EXOSC10: variants seen among roughly 807,000 people sequenced by gnomAD.
EXOSC10 encodes exosome component 10.
In EXOSC10, 94 loss-of-function variants were observed where a neutral mutation model predicts 126.6. That is an observed-to-expected ratio of 0.74 (90% CI 0.63 to 0.88). EXOSC10 has a LOEUF of 0.88. EXOSC10 is among the 40% of genes least tolerant of loss of function. The probability of loss-of-function intolerance (pLI) is 0.00; values close to 1 mark genes in which losing one functional copy is unlikely to be tolerated. For synonymous variants in EXOSC10, 395 were observed against 400.8 expected (o/e 0.99, Z 0.17); for missense variants, 1,041 against 1,100.5 (o/e 0.95, Z 0.77).
intron 2 of EXOSC10, among the ~76,000 whole-genome samples, chr1:11,097,166 C>A (rs1040713144): frequency 1.3e-5 from 2 of 151,586 alleles, no homozygotes; most frequent in Non-Finnish European, 2.9e-5. Flanking sequence ...GCCGAGATCA[C>A]GCCACTGCAC....
chr1:11,072,219 C>G (rs766543276), intron 19 of EXOSC10, 48 bp from the exon 20 acceptor site: 4 of 1,430,242 alleles, frequency 2.8e-6, no homozygotes, highest in Non-Finnish European at 2.9e-6. Flanking sequence ...AAGTCAGCCA[C>G]CTAAGTCTGT....
chr1:11,082,646 T>A (rs1220853396), intron 10 of EXOSC10, 42 bp downstream of exon 10: 8 of 1,609,462 alleles, frequency 5.0e-6, no homozygotes, highest in Non-Finnish European at 6.8e-6. Flanking sequence ...GAATAATCAC[T>A]TTCTTCTGCC....
At chr1:11,090,965 G>T in intron 5 of EXOSC10, 49 bp downstream of exon 5, 1 of 1,578,764 alleles carries the variant, frequency 6.3e-7, no homozygotes, top group Non-Finnish European at 8.6e-7. Flanking sequence ...CCTGGTTTTT[G>T]CATCAAATAA....
At chr1:11,090,504 CA>C (rs1052048640) in intron 6 of EXOSC10, 49 bp downstream of exon 6, 1 of 1,467,514 alleles carries the variant, frequency 6.8e-7, no homozygotes, top group East Asian at 2.3e-5. Flanking sequence ...GAAAATGTGG[CA>C]AAAAGGTAAG....
chr1:11,098,116 C>CA lies in EXOSC10; in HGVS notation c.151_152insT (p.Gly51ValfsTer9). The CA allele has an allele frequency of 6.2e-7, 1 of 1,612,184 alleles. No individual in the cohort carries two copies. Among genetic ancestry groups the CA allele is most frequent in the Non-Finnish European group, 8.5e-7 (1 of 1,179,542 alleles). ...CTCATCGCCAAACTGTGGTAGGCCC[C>CA]CAGATGCCTTGGTGACTGCCACCAC... On this transcript the variant is annotated frameshift_variant, in exon 2 of 25. Coordinates refer to ENST00000376936, the MANE Select transcript of EXOSC10 (RefSeq NM_001001998.3). LOFTEE classifies it high-confidence loss of function.
rs1557723704 is a variant in EXOSC10 at position 11,098,050 on chromosome 1, C to T, written c.218G>A (p.Cys73Tyr). Residue 73 changes from cysteine to tyrosine, a missense_variant, in exon 2 of 25, where the codon TGC (cysteine) becomes TAC (tyrosine). By Grantham distance (194) the Cys-to-Tyr change is radical (BLOSUM62 -2). Coordinates refer to ENST00000376936, the MANE Select transcript of EXOSC10 (RefSeq NM_001001998.3). ...YRSFPGFQAF[C>Y]ETQGDRLLQC... ...AAGCAACCTGTCTCCCTGTGTTTCG[C>T]AAAATGCTTGGAAGCCAGGAAAACT... The T allele has an allele frequency of 1.2e-6, 2 of 1,611,990 alleles. No homozygotes were observed. Among genetic ancestry groups the T allele is most frequent in the Admixed American group, 3.4e-5 (2 of 59,504 alleles).
chr1:11,097,995 C>A, intron 2 of EXOSC10, 25 bp downstream of exon 2: 1 of 1,496,788 alleles, frequency 6.7e-7, no homozygotes, highest in Non-Finnish European at 8.9e-7. Flanking sequence ...TTCACTAACA[C>A]AAGAAAACAA....
intron 18 of EXOSC10, 37 bp from the exon 19 acceptor site, chr1:11,074,045 G>A (rs763038787): frequency 1.3e-6 from 2 of 1,592,868 alleles, no homozygotes; most frequent in South Asian, 1.1e-5. Flanking sequence ...ACGCTGCCGG[G>A]AACGGAATCT....
At chr1:11,073,877 CAA>C (rs770965502) in intron 19 of EXOSC10, 55 bp downstream of exon 19, 8,263 of 524,216 alleles carry the variant, frequency 0.016, no homozygotes, top group African/African-American at 0.02. Flanking sequence ...GACTCCATCT[CAA>C]AAAAAAAAAA....
intron 17 of EXOSC10, among the ~76,000 whole-genome samples, chr1:11,075,918 C>T (rs1639791583): frequency 6.9e-6 from 1 of 145,026 alleles, no homozygotes. Context: ...GTAATCCCAG[C>T]ACTTTGGGAG....
intron 14 of EXOSC10, among the ~76,000 whole-genome samples, chr1:11,077,949 C>T (rs892239866): frequency 2.0e-5 from 3 of 152,080 alleles, no homozygotes; most frequent in Non-Finnish European, 2.9e-5. Context: ...GGACAAAGTA[C>T]AGAGCTTACA....
intron 6 of EXOSC10, 61 bp from the exon 7 acceptor site, chr1:11,088,259 T>C: frequency 8.1e-7 from 1 of 1,237,234 alleles, no homozygotes; most frequent in Non-Finnish European, 1.2e-6. Context: ...AAGGGAAAAA[T>C]AATGCCTTTT....
Position 11,091,015 on chromosome 1 carries a change from T to A in EXOSC10, c.642A>T (p.Gln214His). 1 of 1,613,752 alleles carries A rather than the reference T, an allele frequency of 6.2e-7. No individual in the cohort carries two copies. Among genetic ancestry groups the A allele is most frequent in the Non-Finnish European group, 8.5e-7 (1 of 1,179,898 alleles). ...ACAGGCAAAGTATGCACTATTTACC[T>A]TGAGGGAGAGGTTTCTGAGCATTGG... The part of the protein sequence containing the change: ...IKPNAQKPLP[Q>H]ALSKERRERP... Residue 214 changes from glutamine to histidine, a missense_variant and splice_region_variant, in exon 5 of 25, where the codon CAA becomes CAT. Transcript: ENST00000376936.
In EXOSC10 at chr1:11,080,887, T is replaced by C; in HGVS notation, c.1463A>G (p.Asp488Gly). The change falls in exon 12 of 25, where the codon GAT becomes GGT. Residue 488 changes from aspartate to glycine, a missense_variant. By Grantham distance (94) the Asp-to-Gly change is moderately conservative. Around this residue, in one of 3 missense-constraint regions of EXOSC10, gnomAD observed 645 missense variants for 656.3 expected, o/e 0.98. Coordinates refer to ENST00000376936, the MANE Select transcript of EXOSC10 (RefSeq NM_001001998.3). ...LKKFIKPIFT[D>G]ESYLELYRKQ... ...CCTATAGAGTTCAAGGTAGGACTCA[T>C]CCGTGAAGATAGGTTTGATGAATTT... 1.2e-6 allele frequency: 2 copies of C among 1,609,024 alleles called. No individual in the cohort carries two copies.
At position 11,074,028 on chromosome 1, in the gene EXOSC10, G is replaced by C; in HGVS notation, c.2083-20C>G. ...CAGAAACTGGAGGAAGGAAATGGCTGTGTGAAACGCTGCCGGGAACGGAAT... is the reference window on the plus strand; with the variant it reads ...CAGAAACTGGAGGAAGGAAATGGCTCTGTGAAACGCTGCCGGGAACGGAAT... On this transcript the variant is annotated intron_variant, in intron 18 of 24. Coordinates refer to ENST00000376936, the MANE Select transcript of EXOSC10 (RefSeq NM_001001998.3). 1 of 1,610,604 alleles carries C rather than the reference G, an allele frequency of 6.2e-7. No homozygotes were observed. Among genetic ancestry groups the C allele is most frequent in the African/African-American group, 1.3e-5 (1 of 74,956 alleles).
Position 11,088,782 on chromosome 1 carries a change from A to G in EXOSC10, c.759-584T>C, listed in dbSNP as rs1640638502. Among the ~76,000 whole-genome samples, 3 of 152,240 alleles carry G rather than the reference A, an allele frequency of 2.0e-5. 1 individual carries two copies. In the South Asian group the frequency reaches 6.2e-4, roughly 32 times the overall value. Reference sequence around the variant, plus strand: ...GAATGCCCAGACAGACTCTGGCTCTATGTGAGGAAAAGGCCAATACTAACC... The same window carrying G: ...GAATGCCCAGACAGACTCTGGCTCTGTGTGAGGAAAAGGCCAATACTAACC... On this transcript the variant is annotated intron_variant, in intron 6 of 24. Coordinates refer to ENST00000376936, the MANE Select transcript of EXOSC10 (RefSeq NM_001001998.3).
intron 3 of EXOSC10, among the ~76,000 whole-genome samples, chr1:11,093,840 G>C (rs184163688): frequency 2.6e-4 from 39 of 152,210 alleles, no homozygotes; most frequent in Admixed American, 7.2e-4. Context: ...CTGAGGTGGG[G>C]GGGGATTGTT....
At position 11,068,066 on chromosome 1, in the gene EXOSC10, T is replaced by C. The variant is rs141459158; in HGVS notation, c.2569A>G (p.Lys857Glu). The change falls in exon 24 of 25, where the codon AAA becomes GAA. Residue 857 changes from lysine (K) to glutamate (E), a missense_variant. By Grantham distance (56) the Lys-to-Glu change is moderately conservative. Coordinates refer to ENST00000376936, the MANE Select transcript of EXOSC10 (RefSeq NM_001001998.3). ...PSGKKCIAAK[K>E]IKQSVGNKSM... ...TTGTTTCCCACCGACTGTTTAATTT[T>C]TTTGGCTGCAATGCATTTCTGAAAA... 6.2e-7 allele frequency: 1 copy of C among 1,614,162 alleles called. No homozygotes were observed. Among genetic ancestry groups the C allele is most frequent in the South Asian group, 1.1e-5 (1 of 91,082 alleles).
chr1:11,066,689 G>A lies in EXOSC10; in HGVS notation c.*29C>T, dbSNP rs758733928. The A allele has an allele frequency of 2.6e-5, 42 of 1,613,280 alleles. No homozygotes were observed. In the South Asian group the frequency reaches 3.1e-4, roughly 12 times the overall value. ...AGCAGCACCAGCATTTGGTGCTTCC[G>A]GTCCACAGGCGCCACGTGTCTTCCA... On this transcript the variant is annotated 3_prime_UTR_variant, in exon 25 of 25. Coordinates refer to ENST00000376936, the MANE Select transcript of EXOSC10 (RefSeq NM_001001998.3).
Sources: allele counts gnomAD v4.1 joint callset (sites outside exome capture counted in the v4.1 genomes callset), GRCh38; gene constraint gnomAD v4.1.1; regional missense constraint gnomAD v4.1.1; transcripts MANE v1.5; gene names NCBI Gene and HGNC (gene_info 2026-07-23, HGNC 2026-07-21).